Variants in FCER1A observed in about 807,000 individuals in gnomAD.
FCER1A encodes Fc epsilon receptor Ia, also known as high affinity immunoglobulin epsilon receptor subunit alpha.
A neutral mutation model predicts 23.6 loss-of-function variants in FCER1A; 24 were observed. The observed-to-expected ratio is 1.02, with a 90% CI of 0.74 to 1.43. FCER1A has a LOEUF of 1.43. Ranked by LOEUF, FCER1A falls within the 40% of genes most tolerant of loss-of-function variation. FCER1A has a pLI of 0.00. For missense variants in FCER1A, 318 were observed against 294.5 expected (o/e 1.08, Z -0.58); for synonymous variants, 121 against 108.8 (o/e 1.11, Z -0.70).
At position 159,304,123 on chromosome 1, in the gene FCER1A, A is replaced by G. The variant is rs1406136847; in HGVS notation, c.272A>G (p.Tyr91Cys). 1.2e-6 allele frequency: 2 copies of G among 1,613,942 alleles called. No individual in the cohort carries two copies. The highest frequency in any genetic ancestry group is 8.5e-7 in the Non-Finnish European group (1 of 1,179,778). Reference protein sequence around the residue: ...VNAKFEDSGEYKCQHQQVNES... With the variant: ...VNAKFEDSGECKCQHQQVNES... ...GCCAAATTTGAAGACAGTGGAGAAT[A>G]CAAATGTCAGCACCAACAAGTTAAT... is the stretch of plus-strand genomic sequence containing the variant. Residue 91 changes from tyrosine to cysteine, a missense_variant, in exon 3 of 5, where the codon TAC (tyrosine) becomes TGC (cysteine). Coordinates refer to ENST00000693622, the MANE Select transcript of FCER1A (RefSeq NM_001387280.1).
At chr1:159,293,956 A>G (rs1652229526) in intron 1 of FCER1A, among the ~76,000 whole-genome samples, 1 of 151,928 alleles carries the variant, frequency 6.6e-6, no homozygotes, top group South Asian at 2.1e-4. Context: ...CAGCCAAAAA[A>G]CACATGAAAA....
Position 159,306,251 on chromosome 1 carries a change from T to C in FCER1A, c.589+6T>C, listed in dbSNP as rs776729474. On this transcript the variant is annotated splice_donor_region_variant and intron_variant, in intron 4 of 4. Coordinates refer to ENST00000693622, the MANE Select transcript of FCER1A (RefSeq NM_001387280.1). ...CAACATTACTGTAATAAAAGGTGAG[T>C]TGGTAAAGGAAAGGAAAAGCATCCA... 17 of 1,611,250 alleles carry C rather than the reference T, an allele frequency of 1.1e-5. No homozygotes were observed. Among genetic ancestry groups the C allele is most frequent in the Admixed American group, 1.7e-5 (1 of 59,846 alleles).
Position 159,304,166 on chromosome 1 carries a change from C to T in FCER1A, c.315C>T (p.Tyr105=), listed in dbSNP as rs780582160. The T allele has an allele frequency of 3.7e-6, 6 of 1,613,652 alleles. No individual in the cohort carries two copies. The highest frequency in any genetic ancestry group is 1.7e-5 in the Admixed American group (1 of 59,998). ...AAGTTAATGAGAGTGAACCTGTGTA[C>T]CTGGAAGTCTTCAGTGGTAAGTTCC... is the stretch of plus-strand genomic sequence containing the variant. ...HQQVNESEPV[Y]LEVFSDWLLL... Residue 105 remains tyrosine, a synonymous_variant, in exon 3 of 5, where the codon TAC becomes TAT. Transcript: ENST00000693622.
At chr1:159,291,530 T>A (rs1402365274) in intron 1 of FCER1A, among the ~76,000 whole-genome samples, 1 of 152,178 alleles carries the variant, frequency 6.6e-6, no homozygotes, top group Non-Finnish European at 1.5e-5. Flanking sequence ...GAAACACCTG[T>A]GTTATGTTCA....
chr1:159,298,611 A>G (rs942469706), upstream of FCER1A, among the ~76,000 whole-genome samples: 67 of 152,348 alleles, frequency 4.4e-4, 1 homozygote, highest in African/African-American at 1.5e-3. Context: ...TTTCTTGAGC[A>G]GAAACTCCTG....
rs1297226641 is a variant in FCER1A, at chr1:159,306,127, G to T, written c.471G>T (p.Glu157Asp). Reference protein sequence around the residue: ...KDGEALKYWYENHNISITNAT... With the variant: ...KDGEALKYWYDNHNISITNAT... Reference sequence around the variant, plus strand: ...GTGAAGCTCTCAAGTACTGGTATGAGAACCACAACATCTCCATTACAAATG... The same window carrying T: ...GTGAAGCTCTCAAGTACTGGTATGATAACCACAACATCTCCATTACAAATG... The change falls in exon 4 of 5, where the codon GAG becomes GAT. Residue 157 changes from glutamate (E) to aspartate (D), a missense_variant. By Grantham distance (45) the Glu-to-Asp change is conservative (BLOSUM62 2). Coordinates refer to ENST00000693622, the MANE Select transcript of FCER1A (RefSeq NM_001387280.1). 1 of 1,614,024 alleles carries T rather than the reference G, an allele frequency of 6.2e-7. No individual in the cohort carries two copies. Among genetic ancestry groups the T allele is most frequent in the African/African-American group, 1.3e-5 (1 of 74,920 alleles).
chr1:159,290,367 A>G (rs1652116933), intron 1 of FCER1A, among the ~76,000 whole-genome samples: 2 of 152,044 alleles, frequency 1.3e-5, no homozygotes, highest in South Asian at 4.1e-4. Flanking sequence ...ATTACTTCTA[A>G]CCTGCCTTTT....
rs560993679 is a variant in FCER1A, at chr1:159,304,315, G to T, written c.331+133G>T. On this transcript the variant is annotated intron_variant, in intron 3 of 4. Transcript: ENST00000693622. ...AAGGCCTCTCATTTTTAAGACCCCTGCATTGGCTGGGCACAGTGGCTCACG... is the reference window on the plus strand; with the variant it reads ...AAGGCCTCTCATTTTTAAGACCCCTTCATTGGCTGGGCACAGTGGCTCACG... The T allele has an allele frequency of 7.4e-5, 63 of 845,826 alleles. No individual in the cohort carries two copies. The African/African-American group carries it at 1.0e-3, about 14-fold the overall frequency. 52.4% of individuals were successfully genotyped at this position (845,826 alleles called of 1,614,324 possible). A position where few individuals can be genotyped will look rare whatever the true frequency, so the allele number is the denominator to read the frequency against.
At chr1:159,292,202 T>C (rs1330939885) in intron 1 of FCER1A, among the ~76,000 whole-genome samples, 1 of 152,132 alleles carries the variant, frequency 6.6e-6, no homozygotes, top group Non-Finnish European at 1.5e-5. Flanking sequence ...TTTCTCTACT[T>C]TATATCTCTA....
At chr1:159,304,814 T>C (rs889707839) in intron 3 of FCER1A, among the ~76,000 whole-genome samples, 2 of 152,212 alleles carry the variant, frequency 1.3e-5, no homozygotes, top group Non-Finnish European at 2.9e-5. Flanking sequence ...TTCAAAGAGC[T>C]GTGTATCTGG....
At chr1:159,292,492 C>A (rs1321615318) in intron 1 of FCER1A, among the ~76,000 whole-genome samples, 2 of 151,980 alleles carry the variant, frequency 1.3e-5, no homozygotes, top group African/African-American at 4.8e-5. Context: ...ATATATATAC[C>A]TCAAACCCAT....
chr1:159,304,477 G>A (rs1278054619), intron 3 of FCER1A, among the ~76,000 whole-genome samples: 2 of 151,994 alleles, frequency 1.3e-5, no homozygotes, highest in African/African-American at 2.4e-5. Context: ...CGTAGTGGTG[G>A]GCACCTGTAG....
chr1:159,292,299 A>G (rs1652172828), intron 1 of FCER1A, among the ~76,000 whole-genome samples: 1 of 152,046 alleles, frequency 6.6e-6, no homozygotes, highest in Non-Finnish European at 1.5e-5. Flanking sequence ...GATGCTTCAA[A>G]CTAAAACACT....
At chr1:159,286,351 GA>G (rs1355616132), upstream of FCER1A, among the ~76,000 whole-genome samples, 11 of 137,752 alleles carry the variant, frequency 8.0e-5, no homozygotes, top group South Asian at 7.9e-4. Flanking sequence ...TTTTTTTTTT[GA>G]GACAAAGTCT....
At chr1:159,293,288 C>T (rs1401271867) in intron 1 of FCER1A, among the ~76,000 whole-genome samples, 2 of 151,588 alleles carry the variant, frequency 1.3e-5, no homozygotes, top group East Asian at 1.9e-4. Flanking sequence ...TCTTCCAGGC[C>T]CTCATGATCT....
chr1:159,288,401 CA>C (rs373706538), upstream of FCER1A, among the ~76,000 whole-genome samples: 91 of 152,260 alleles, frequency 6.0e-4, no homozygotes, highest in South Asian at 7.3e-3. Flanking sequence ...AAACATTTAA[CA>C]CTATTAATCA....
At chr1:159,305,593 A>C (rs371047475) in intron 3 of FCER1A, among the ~76,000 whole-genome samples, 2 of 152,200 alleles carry the variant, frequency 1.3e-5, no homozygotes, top group East Asian at 3.8e-4. Flanking sequence ...AGAACTGGGA[A>C]GTTTCTATAA....
At chr1:159,296,872 T>C (rs1020710306) in intron 1 of FCER1A, among the ~76,000 whole-genome samples, 3 of 152,122 alleles carry the variant, frequency 2.0e-5, no homozygotes, top group Admixed American at 6.6e-5. Context: ...TCAGAATGCG[T>C]CCTGCCCCTC....
chr1:159,299,874 C>A (rs1310249219), upstream of FCER1A, among the ~76,000 whole-genome samples: 1 of 149,980 alleles, frequency 6.7e-6, no homozygotes, highest in Admixed American at 6.7e-5. Context: ...TAATGTGTTC[C>A]TTCTGTGTTC....
Sources: allele counts gnomAD v4.1 joint callset (sites outside exome capture counted in the v4.1 genomes callset), GRCh38; gene constraint gnomAD v4.1.1; transcripts MANE v1.5; gene names NCBI Gene and HGNC (gene_info 2026-07-23, HGNC 2026-07-21).